The following SLCO2B1 variants were observed in gnomAD, a reference collection of about 807,000 sequenced individuals.
SLCO2B1 encodes the protein solute carrier organic anion transporter family member 2B1.
Under a neutral mutation model 67.3 loss-of-function variants are expected in SLCO2B1, and 41 were observed. That is an observed-to-expected ratio of 0.61 (90% confidence interval 0.47 to 0.79). The LOEUF is 0.79. Among genes scored for constraint, SLCO2B1 ranks in the 30% least tolerant of loss-of-function variants. SLCO2B1 has a pLI of 0.00. For missense variants in SLCO2B1, 837 were observed against 920.1 expected (o/e 0.91, Z 1.17); for synonymous variants, 379 against 381.4 (o/e 0.99, Z 0.07).
chr11:75,179,174 A>G (rs1950063498), intron 7 of SLCO2B1, among the ~76,000 whole-genome samples: 1 of 141,648 alleles, frequency 7.1e-6, no homozygotes, highest in African/African-American at 2.6e-5. Context: ...TTCATTTTTA[A>G]TTTTTATGGG....
intron 2 of SLCO2B1, among the ~76,000 whole-genome samples, chr11:75,163,577 C>T (rs1319924456): frequency 6.6e-6 from 1 of 152,002 alleles, no homozygotes; most frequent in South Asian, 2.1e-4. Flanking sequence ...GTCAGAGGGG[C>T]TCCCACCATT....
chr11:75,185,501 C>CTTT (rs11381669), intron 7 of SLCO2B1, among the ~76,000 whole-genome samples: 4,882 of 105,694 alleles, frequency 0.046, 337 homozygotes, highest in African/African-American at 0.14. Context: ...GTATAAGTCT[C>CTTT]TTTTTTTTTT....
intron 7 of SLCO2B1, among the ~76,000 whole-genome samples, chr11:75,177,511 C>T (rs1056595528): frequency 3.9e-5 from 6 of 152,040 alleles, no homozygotes; most frequent in African/African-American, 1.5e-4. Context: ...GCACCATGCT[C>T]GAGGGGCTGA....
intron 7 of SLCO2B1, among the ~76,000 whole-genome samples, chr11:75,183,387 A>G (rs1950111102): frequency 6.6e-6 from 1 of 152,218 alleles, no homozygotes; most frequent in Admixed American, 6.5e-5. Context: ...GTATAAATGA[A>G]TAATCCACGC....
chr11:75,203,012 T>G (rs1245345036), intron 12 of SLCO2B1, 47 bp downstream of exon 12: 2 of 1,525,276 alleles, frequency 1.3e-6, no homozygotes, highest in Admixed American at 1.7e-5. Context: ...GGGGTCCAGA[T>G]GCCCACTGTG....
At chr11:75,188,491 C>T (rs1489451968) in intron 8 of SLCO2B1, among the ~76,000 whole-genome samples, 5 of 152,222 alleles carry the variant, frequency 3.3e-5, no homozygotes, top group South Asian at 2.1e-4. Context: ...TTTGGGAGGC[C>T]GAGGTGGACG....
intron 8 of SLCO2B1, among the ~76,000 whole-genome samples, chr11:75,189,347 T>A (rs910079207): frequency 2.0e-5 from 3 of 152,130 alleles, no homozygotes; most frequent in Non-Finnish European, 2.9e-5. Flanking sequence ...CTAAATTGAG[T>A]TTCCTCATCT....
At position 75,204,533 on chromosome 11, in the gene SLCO2B1, T is replaced by C. The variant is rs757428732; in HGVS notation, c.2083T>C (p.Leu695=). The C allele has an allele frequency of 9.3e-6, 15 of 1,612,850 alleles. No individual in the cohort carries two copies. In the South Asian group the frequency reaches 9.9e-5, roughly 11 times the overall value. ...SRSSPAVEQQ[L]LVSGPGKKPE... ...ATCCAGCCCTGCCGTAGAGCAGCAATTGCTAGTGTCGGGGCCAGGGAAGAA... is the reference window on the plus strand; with the variant it reads ...ATCCAGCCCTGCCGTAGAGCAGCAACTGCTAGTGTCGGGGCCAGGGAAGAA... Residue 695 remains leucine, a synonymous_variant, in exon 14 of 14, where the codon TTG becomes CTG. Transcript: ENST00000289575.
At chr11:75,165,660 C>T in intron 3 of SLCO2B1, 127 bp from the exon 4 acceptor site, 1 of 1,110,288 alleles carries the variant, frequency 9.0e-7, no homozygotes. Context: ...GGAGAGGGAC[C>T]CAGATGATTT....
intron 10 of SLCO2B1, among the ~76,000 whole-genome samples, chr11:75,199,245 T>C (rs1591837748): frequency 6.6e-6 from 1 of 152,190 alleles, no homozygotes; most frequent in South Asian, 2.1e-4. Flanking sequence ...AGCTTCATCA[T>C]GTGCATTGGT....
chr11:75,203,098 C>A (rs1418553279), intron 12 of SLCO2B1, 133 bp downstream of exon 12: 9 of 1,137,160 alleles, frequency 7.9e-6, no homozygotes, highest in African/African-American at 3.0e-5. Context: ...GGGTGACAGA[C>A]CTGGCCCAGC....
chr11:75,199,941 G>A (rs1945156448), intron 10 of SLCO2B1: 1 of 450,690 alleles, frequency 2.2e-6, no homozygotes, highest in South Asian at 3.5e-5. Context: ...GGGGAATGAT[G>A]CTCTCCTGGC....
chr11:75,193,622 CA>C lies in SLCO2B1; in HGVS notation c.1433+48del, dbSNP rs774897611. Reference sequence around the variant, plus strand: ...TAAAGGCAAGCCTGGGAGGACAGGACAGGGAGGACAGGGGCCCTGGGCAGAG... The same window carrying C: ...TAAAGGCAAGCCTGGGAGGACAGGACGGGAGGACAGGGGCCCTGGGCAGAG... On this transcript the variant is annotated intron_variant, in intron 9 of 13. Transcript: ENST00000289575. This position sits in a 1 kb window ranked among gnomAD's most constrained non-coding sequence, Gnocchi z 4.2. The C allele has an allele frequency of 2.0e-6, 3 of 1,469,594 alleles. No individual in the cohort carries two copies. The highest frequency in any genetic ancestry group is 4.4e-5 in the Admixed American group (2 of 45,206). 91.0% of individuals were successfully genotyped at this position (1,469,594 alleles called of 1,614,324 possible).
At chr11:75,185,812 A>G (rs901824793) in intron 7 of SLCO2B1, among the ~76,000 whole-genome samples, 1 of 152,118 alleles carries the variant, frequency 6.6e-6, no homozygotes, top group Admixed American at 6.6e-5. Flanking sequence ...AGGATGAAAA[A>G]AGATCATGGG....
In SLCO2B1 at chr11:75,202,963, T is replaced by G; in HGVS notation, c.1826T>G (p.Leu609Trp). The change falls in exon 12 of 14, where the codon TTG becomes TGG. Residue 609 changes from leucine (L) to tryptophan (W), a missense_variant and splice_region_variant. Physicochemically the swap from Leu to Trp is moderately conservative, Grantham distance 61. Coordinates refer to ENST00000289575, the MANE Select transcript of SLCO2B1 (RefSeq NM_007256.5). Reference protein sequence around the residue: ...VGIQFMFLRILAWMPSPVIHG... With the variant: ...VGIQFMFLRIWAWMPSPVIHG... ...ATCCAGTTCATGTTCCTGAGGATTT[T>G]GGGTAAAGATCTTGCTTGGGACCAT... 6.2e-7 allele frequency: 1 copy of G among 1,613,626 alleles called. No individual in the cohort carries two copies. Among genetic ancestry groups the G allele is most frequent in the Non-Finnish European group, 8.5e-7 (1 of 1,179,746 alleles).
chr11:75,195,173 C>G (rs1945081848), intron 9 of SLCO2B1, among the ~76,000 whole-genome samples: 1 of 152,192 alleles, frequency 6.6e-6, no homozygotes, highest in Admixed American at 6.5e-5. Context: ...AGCCAGGACT[C>G]TCCCCACAGA....
At chr11:75,184,269 G>C (rs764025102) in intron 7 of SLCO2B1, among the ~76,000 whole-genome samples, 3 of 152,168 alleles carry the variant, frequency 2.0e-5, no homozygotes, top group Non-Finnish European at 4.4e-5. Context: ...ACAAGAGTTT[G>C]AACAGAAAAC....
chr11:75,203,367 C>A lies in SLCO2B1; in HGVS notation c.1889C>A (p.Ala630Asp). ...ATCGACACCACCTGTGTGCACTGGGCCCTGAGCTGTGGGCGTCGAGCTGTC... is the reference window on the plus strand; with the variant it reads ...ATCGACACCACCTGTGTGCACTGGGACCTGAGCTGTGGGCGTCGAGCTGTC... ...SAIDTTCVHW[A>D]LSCGRRAVCR... The change falls in exon 13 of 14, where the codon GCC (alanine) becomes GAC (aspartate). Residue 630 changes from alanine (A) to aspartate (D), a missense_variant. Physicochemically the swap from Ala to Asp is moderately radical, Grantham distance 126. Transcript: ENST00000289575. 6.2e-7 allele frequency: 1 copy of A among 1,614,168 alleles called. No individual in the cohort carries two copies. The highest frequency in any genetic ancestry group is 8.5e-7 in the Non-Finnish European group (1 of 1,180,014).
At chr11:75,171,703 C>A (rs1949962369) in intron 6 of SLCO2B1, among the ~76,000 whole-genome samples, 1 of 152,124 alleles carries the variant, frequency 6.6e-6, no homozygotes, top group Non-Finnish European at 1.5e-5. Flanking sequence ...CCCAATTAAA[C>A]CTAGTGGGGG....
Sources: allele counts gnomAD v4.1 joint callset (sites outside exome capture counted in the v4.1 genomes callset), GRCh38; gene constraint gnomAD v4.1.1; non-coding constraint Gnocchi (gnomAD v3.1); transcripts MANE v1.5; gene names NCBI Gene and HGNC (gene_info 2026-07-23, HGNC 2026-07-21).